Variants in VEZF1 observed in about 807,000 individuals in gnomAD.
The protein encoded by VEZF1 is vascular endothelial zinc finger 1, also known as putative transcription factor DB1.
In VEZF1, 5 loss-of-function variants were observed where a neutral mutation model predicts 44.1. The ratio of observed to expected loss-of-function variants is 0.11; its 90% confidence interval spans 0.06 to 0.24. The LOEUF is 0.24. VEZF1 is among the 10% of genes least tolerant of loss of function. The probability of loss-of-function intolerance (pLI) is 1.00; values close to 1 mark genes in which losing one functional copy is unlikely to be tolerated. For synonymous variants in VEZF1, 236 were observed against 233.1 expected, an observed-to-expected ratio of 1.01 and a Z score of -0.11; for missense variants, 358 against 641.8, an observed-to-expected ratio of 0.56 and a Z score of 4.78.
Position 57,985,371 on chromosome 17 carries a change from A to G in VEZF1, c.34-1978T>C, listed in dbSNP as rs2075285387. ...CTGCTTCTTGGGTGAAATGCTGCAG[A>G]ACCACTACAGGAATCACTCTCTGAG... On this transcript the variant is annotated intron_variant, in intron 1 of 5. Coordinates refer to ENST00000581208, the MANE Select transcript of VEZF1 (RefSeq NM_007146.3). The G allele has an allele frequency of 2.4e-6, 3 of 1,229,856 alleles. No homozygotes were observed. In the South Asian group the frequency reaches 1.2e-4, roughly 51 times the overall value. 76.2% of individuals were successfully genotyped at this position (1,229,856 alleles called of 1,614,324 possible).
At chr17:57,979,696 A>T (rs1204292684) in intron 4 of VEZF1, among the ~76,000 whole-genome samples, 2 of 152,162 alleles carry the variant, frequency 1.3e-5, no homozygotes, top group African/African-American at 4.8e-5. Flanking sequence ...GCAGTGGCTC[A>T]TGCCTGTAAT....
intron 4 of VEZF1, 28 bp from the exon 5 acceptor site, chr17:57,979,341 G>T (rs756810105): frequency 3.1e-6 from 5 of 1,607,112 alleles, no homozygotes; most frequent in Non-Finnish European, 4.3e-6. Flanking sequence ...CAAAAACACT[G>T]TATCTACCTG....
At chr17:57,975,606 C>A (rs576172555) in intron 5 of VEZF1, among the ~76,000 whole-genome samples, 2 of 152,294 alleles carry the variant, frequency 1.3e-5, no homozygotes, top group South Asian at 4.1e-4. Flanking sequence ...GAAAAAAATA[C>A]TCCTCAATAA....
chr17:57,979,569 CAAGT>C lies in VEZF1; in HGVS notation c.977-260_977-257del, dbSNP rs1598046048. 4.2e-5 allele frequency among the ~76,000 whole-genome samples: 6 copies of C among 143,318 alleles called. No individual in the cohort carries two copies. The South Asian group carries it at 6.5e-4, about 16-fold the overall frequency. 94.0% of individuals were successfully genotyped at this position (143,318 alleles called of 152,430 possible). On this transcript the variant is annotated intron_variant, in intron 4 of 5. Transcript: ENST00000581208. Reference sequence around the variant, plus strand: ...AAAAAACCATCAAAAAAAAAAAAAGCAAGTGTCTTTAAAAATGGAAGTTTGATAT... The same window carrying C: ...AAAAAACCATCAAAAAAAAAAAAAGCGTCTTTAAAAATGGAAGTTTGATAT...
intron 2 of VEZF1, among the ~76,000 whole-genome samples, chr17:57,982,245 C>T (rs2075255998): frequency 6.6e-6 from 1 of 152,176 alleles, no homozygotes; most frequent in African/African-American, 2.4e-5. Context: ...TATATTAACT[C>T]TAAAAGCTTT....
intron 1 of VEZF1, among the ~76,000 whole-genome samples, chr17:57,983,916 A>C (rs2075273251): frequency 6.6e-6 from 1 of 152,244 alleles, no homozygotes. Flanking sequence ...GTGATGAAAG[A>C]AATCTAGTTC....
intron 3 of VEZF1, among the ~76,000 whole-genome samples, chr17:57,981,174 G>C (rs538780528): frequency 6.6e-6 from 1 of 152,136 alleles, no homozygotes; most frequent in Non-Finnish European, 1.5e-5. Context: ...AGAAAAGCCT[G>C]GTATACACAG....
At chr17:57,982,191 T>C (rs2075255444) in intron 2 of VEZF1, among the ~76,000 whole-genome samples, 1 of 152,230 alleles carries the variant, frequency 6.6e-6, no homozygotes, top group Admixed American at 6.5e-5. Context: ...AATTACAAAA[T>C]ACCCGAAGTT....
At position 57,979,126 on chromosome 17, in the gene VEZF1, T is replaced by G. The variant is rs367593365; in HGVS notation, c.1138+26A>C. 317 of 1,607,694 alleles carry G rather than the reference T, an allele frequency of 2.0e-4. 1 individual carries two copies. The South Asian group carries it at 3.3e-3, about 17-fold the overall frequency. ...AATGAAAACACTTCTCTAGCCATAT[T>G]TTCAACACTGGAAGCTGTGCCTTAC... On this transcript the variant is annotated intron_variant, in intron 5 of 5. Coordinates refer to ENST00000581208, the MANE Select transcript of VEZF1 (RefSeq NM_007146.3).
At chr17:57,983,486 G>A in intron 1 of VEZF1, 93 bp from the exon 2 acceptor site, 1 of 1,150,024 alleles carries the variant, frequency 8.7e-7, no homozygotes, top group South Asian at 1.5e-5. Flanking sequence ...AGAAGAAACA[G>A]TCAAAGAACC....
At chr17:57,975,826 C>T (rs975238828) in intron 5 of VEZF1, among the ~76,000 whole-genome samples, 2 of 152,154 alleles carry the variant, frequency 1.3e-5, no homozygotes, top group African/African-American at 4.8e-5. Context: ...GAGACAGGGT[C>T]TCCTTCTGTT....
intron 5 of VEZF1, among the ~76,000 whole-genome samples, chr17:57,978,159 C>T (rs574327269): frequency 2.6e-5 from 4 of 151,466 alleles, no homozygotes; most frequent in South Asian, 2.1e-4. Context: ...GCCGAGATCA[C>T]GCCACTGCAC....
At position 57,979,288 on chromosome 17, in the gene VEZF1, G is replaced by A. The variant is rs753906044; in HGVS notation, c.1002C>T (p.Asn334=). The A allele has an allele frequency of 2.5e-6, 4 of 1,607,750 alleles. No individual in the cohort carries two copies. Among genetic ancestry groups the A allele is most frequent in the Admixed American group, 1.7e-5 (1 of 59,700 alleles). ...GCTGCTGCTGCTGCTGCTGCTTTTG[G>A]TTACTGGTCTCTTCACTCATGCATG... ...SKTCMSEETS[N]QKQQQQQQQQ... is the part of the protein sequence containing the mutation. The change falls in exon 5 of 6, where the codon AAC becomes AAT. Residue 334 remains asparagine (N), a synonymous_variant. Transcript: ENST00000581208.
At chr17:57,978,530 AC>A (rs2143335329) in intron 5 of VEZF1, among the ~76,000 whole-genome samples, 1 of 152,378 alleles carries the variant, frequency 6.6e-6, no homozygotes, top group East Asian at 1.9e-4. Flanking sequence ...TAGAAAATAT[AC>A]ACGAGAGAAA....
At chr17:57,976,415 C>A (rs369575333) in intron 5 of VEZF1, among the ~76,000 whole-genome samples, 2 of 150,692 alleles carry the variant, frequency 1.3e-5, no homozygotes, top group African/African-American at 4.9e-5. Context: ...AACAAACAAA[C>A]AAACAAAAAA....
Position 57,979,218 on chromosome 17 carries a change from T to G in VEZF1, c.1072A>C (p.Ser358Arg). The G allele has an allele frequency of 6.2e-7, 1 of 1,613,690 alleles. No homozygotes were observed. The change falls in exon 5 of 6, where the codon AGC becomes CGC. Residue 358 changes from serine (S) to arginine (R), a missense_variant. Transcript: ENST00000581208. ...QQQQQQQHVT[S>R]WPGKQVETLR... ...GTTTCTACTTGCTTCCCTGGCCAGC[T>G]TGTCACATGTTGTTGTTGTTGTTGT...
intron 1 of VEZF1, among the ~76,000 whole-genome samples, chr17:57,984,323 G>A (rs373672320): frequency 6.6e-6 from 1 of 152,106 alleles, no homozygotes; most frequent in East Asian, 1.9e-4. Context: ...ATTTCACCAT[G>A]GATCAGGTTC....
Position 57,979,223 on chromosome 17 carries a change from A to C in VEZF1, c.1067T>G (p.Val356Gly). The C allele has an allele frequency of 6.2e-7, 1 of 1,612,050 alleles. No individual in the cohort carries two copies. The highest frequency in any genetic ancestry group is 8.5e-7 in the Non-Finnish European group (1 of 1,179,766). ...TACTTGCTTCCCTGGCCAGCTTGTC[A>C]CATGTTGTTGTTGTTGTTGTTGCTG... ...QQQQQQQQQHVTSWPGKQVET... is the reference protein window; with the variant it reads ...QQQQQQQQQHGTSWPGKQVET... The change falls in exon 5 of 6, where the codon GTG becomes GGG. Residue 356 changes from valine (V) to glycine (G), a missense_variant. Transcript: ENST00000581208.
In VEZF1 at chr17:57,988,073, C is replaced by T; in HGVS notation, c.33+6G>A. On this transcript the variant is annotated splice_donor_region_variant and intron_variant, in intron 1 of 5. Coordinates refer to ENST00000581208, the MANE Select transcript of VEZF1 (RefSeq NM_007146.3). The stretch of plus-strand genomic sequence containing the variant: ...CCCCGTGCCCCCCCGGGGGGGCCCC[C>T]AGTACCTGGAACAGGAACGCGGTCC... 3.6e-6 allele frequency: 2 copies of T among 550,702 alleles called. No homozygotes were observed. The highest frequency in any genetic ancestry group is 5.0e-6 in the Non-Finnish European group (2 of 397,324). 34.1% of individuals were successfully genotyped at this position (550,702 alleles called of 1,614,324 possible).
Sources: gnomAD v4.1 joint callset for allele counts (sites outside exome capture counted in the v4.1 genomes callset) on GRCh38, gnomAD v4.1.1 for gene constraint, MANE v1.5 for transcripts, NCBI Gene and HGNC (gene_info 2026-07-23, HGNC 2026-07-21) for gene names.